PCDHGB1: variants seen among roughly 807,000 people sequenced by gnomAD.
PCDHGB1 encodes the protein protocadherin gamma subfamily B, 1, also known as protocadherin gamma-B1.
Under a neutral mutation model 56.6 loss-of-function variants are expected in PCDHGB1, and 34 were observed. The observed-to-expected ratio is 0.60, with a 90% CI of 0.46 to 0.80. PCDHGB1 has a LOEUF of 0.80. Among genes scored for constraint, PCDHGB1 ranks in the 30% least tolerant of loss-of-function variants. The probability of loss-of-function intolerance (pLI) is 0.00; values close to 1 mark genes in which losing one functional copy is unlikely to be tolerated. For missense variants in PCDHGB1, 1,278 were observed against 1,204.6 expected (o/e 1.06, Z -0.90); for synonymous variants, 561 against 505.9 (o/e 1.11, Z -1.46).
chr5:141,508,800 C>A (rs973992018), intron 3 of PCDHGB1, among the ~76,000 whole-genome samples: 1 of 152,086 alleles, frequency 6.6e-6, no homozygotes, highest in African/African-American at 2.4e-5. Context: ...CTCTGGAATC[C>A]TGGCTCTTTG....
At chr5:141,463,796 G>T (rs139760353) in intron 1 of PCDHGB1, among the ~76,000 whole-genome samples, 3 of 152,114 alleles carry the variant, frequency 2.0e-5, no homozygotes, top group Non-Finnish European at 2.9e-5. Flanking sequence ...TTGAACAAAT[G>T]TCTAAAAGCT....
chr5:141,455,377 CAGAA>C (rs2098820699), intron 1 of PCDHGB1, among the ~76,000 whole-genome samples: 1 of 151,970 alleles, frequency 6.6e-6, no homozygotes, highest in Admixed American at 6.6e-5. Flanking sequence ...AGGGAGAAGA[CAGAA>C]GGAAGGAGCT....
At chr5:141,501,510 T>A (rs11744379) in intron 2 of PCDHGB1, among the ~76,000 whole-genome samples, 1 of 151,824 alleles carries the variant, frequency 6.6e-6, no homozygotes, top group African/African-American at 2.4e-5. Flanking sequence ...CTCCAAGGCC[T>A]CCAAGCTGAA....
chr5:141,400,235 T>G, intron 1 of PCDHGB1: 4 of 1,614,006 alleles, frequency 2.5e-6, no homozygotes, highest in Non-Finnish European at 3.4e-6. Context: ...CTCCTGGCCG[T>G]GATTCTGGCC....
rs1384790784 is a variant in PCDHGB1, at chr5:141,431,800, G to T, written c.2410-63007G>T. 1 of 1,614,206 alleles carries T rather than the reference G, an allele frequency of 6.2e-7. No individual in the cohort carries two copies. Among genetic ancestry groups the T allele is most frequent in the African/African-American group, 1.3e-5 (1 of 75,054 alleles). ...ACGTGAACGACAATGCCCCAGAAGT[G>T]GTCCTCACCTCTCTCGCCAGCTCGG... On this transcript the variant is annotated intron_variant, in intron 1 of 3. Transcript: ENST00000523390. This position sits in a 1 kb window ranked among gnomAD's most constrained non-coding sequence, Gnocchi z 4.8.
At chr5:141,376,372 G>T in intron 1 of PCDHGB1, 1 of 1,614,182 alleles carries the variant, frequency 6.2e-7, no homozygotes, top group Non-Finnish European at 8.5e-7. Flanking sequence ...CTGCAGACTC[G>T]CGTAAGAGTC....
chr5:141,421,365 G>A (rs1189449968), intron 1 of PCDHGB1: 2 of 1,614,026 alleles, frequency 1.2e-6, no homozygotes, highest in South Asian at 1.1e-5. Flanking sequence ...GCTCCTTCGT[G>A]GGCAATATCT....
intron 1 of PCDHGB1, among the ~76,000 whole-genome samples, chr5:141,461,148 A>G (rs1293565790): frequency 1.3e-5 from 2 of 152,090 alleles, no homozygotes; most frequent in Non-Finnish European, 2.9e-5. Context: ...CTTTGGGTAG[A>G]TACCCAATAG....
intron 1 of PCDHGB1, chr5:141,365,863 C>T (rs2149883393): frequency 8.1e-6 from 13 of 1,614,038 alleles, no homozygotes; most frequent in South Asian, 1.1e-5. Context: ...ACTCTGACAC[C>T]GGTGTCCTGT....
Position 141,351,029 on chromosome 5 carries a change from T to C in PCDHGB1, c.769T>C (p.Ser257Pro). The C allele has an allele frequency of 6.2e-7, 1 of 1,614,044 alleles. No individual in the cohort carries two copies. The highest frequency in any genetic ancestry group is 8.5e-7 in the Non-Finnish European group (1 of 1,179,894). The change falls in exon 1 of 4, where the codon TCC becomes CCC. Residue 257 changes from serine (S) to proline (P), a missense_variant. Ser to Pro is a moderately conservative substitution (Grantham distance 74). Coordinates refer to ENST00000523390, the MANE Select transcript of PCDHGB1 (RefSeq NM_018922.3). Reference sequence around the variant, plus strand: ...CCAAGAAAACGTACCGTGGGGAACCTCCGTGCTGCGGGTGATGGCCACAGA... The same window carrying C: ...CCAAGAAAACGTACCGTGGGGAACCCCCGTGCTGCGGGTGATGGCCACAGA... Reference protein sequence around the residue: ...SLQENVPWGTSVLRVMATDQD... With the variant: ...SLQENVPWGTPVLRVMATDQD...
chr5:141,370,216 C>A, intron 1 of PCDHGB1: 1 of 567,976 alleles, frequency 1.8e-6, no homozygotes, highest in Non-Finnish European at 3.0e-6. Context: ...TGGCTCCTCC[C>A]GCTGCAGCCA....
intron 1 of PCDHGB1, chr5:141,421,647 G>C: frequency 6.2e-7 from 1 of 1,613,872 alleles, no homozygotes; most frequent in South Asian, 1.1e-5. Context: ...ACGAAGTGGA[G>C]ATAAAAGTCA....
At position 141,485,685 on chromosome 5, in the gene PCDHGB1, G is replaced by A; in HGVS notation, c.2410-9122G>A. ...GGGAGCAATTCGATTAGCAGCTATA[G>A]GCTGAGCTCCAATGAACACTTTGCA... On this transcript the variant is annotated intron_variant, in intron 1 of 3. Coordinates refer to ENST00000523390, the MANE Select transcript of PCDHGB1 (RefSeq NM_018922.3). This position sits in a 1 kb window ranked among gnomAD's most constrained non-coding sequence, Gnocchi z 5.7. 1.2e-6 allele frequency: 2 copies of A among 1,614,052 alleles called. No homozygotes were observed. The highest frequency in any genetic ancestry group is 1.3e-5 in the African/African-American group (1 of 75,072).
intron 1 of PCDHGB1, among the ~76,000 whole-genome samples, chr5:141,430,347 A>C (rs2097274758): frequency 6.6e-6 from 1 of 151,944 alleles, no homozygotes; most frequent in Non-Finnish European, 1.5e-5. Flanking sequence ...CTTCCAATTC[A>C]TTTAAAAGCT....
At chr5:141,449,264 C>CTG (rs2098633558) in intron 1 of PCDHGB1, among the ~76,000 whole-genome samples, 1 of 152,056 alleles carries the variant, frequency 6.6e-6, no homozygotes, top group African/African-American at 2.4e-5. Context: ...GTACAAAGAA[C>CTG]TGTATCTCCT....
chr5:141,366,865 G>C, intron 1 of PCDHGB1: 2 of 1,405,810 alleles, frequency 1.4e-6, no homozygotes, highest in South Asian at 2.9e-5. Flanking sequence ...ATTATTTGCT[G>C]TATTGGAGAT....
chr5:141,462,183 C>A (rs1439465872), intron 1 of PCDHGB1, among the ~76,000 whole-genome samples: 1 of 152,158 alleles, frequency 6.6e-6, no homozygotes. Flanking sequence ...TGGTCTTGAA[C>A]TCCTGACCTC....
At chr5:141,428,004 G>C in intron 1 of PCDHGB1, 1 of 1,601,732 alleles carries the variant, frequency 6.2e-7, no homozygotes, top group East Asian at 2.2e-5. Context: ...CGCACTCTTC[G>C]ATATAGTGCC....
chr5:141,433,849 A>C (rs116534867), intron 1 of PCDHGB1, among the ~76,000 whole-genome samples: 2,948 of 152,020 alleles, frequency 0.019, 43 homozygotes, highest in African/African-American at 0.028. Context: ...AAAAAAAAAA[A>C]AAAAAACTTT....
Sources: allele counts gnomAD v4.1 joint callset (sites outside exome capture counted in the v4.1 genomes callset), GRCh38; gene constraint gnomAD v4.1.1; non-coding constraint Gnocchi (gnomAD v3.1); transcripts MANE v1.5; gene names NCBI Gene and HGNC (gene_info 2026-07-23, HGNC 2026-07-21).